Variants in MSI2 observed in about 807,000 individuals in gnomAD.
MSI2 encodes musashi RNA binding protein 2.
A neutral mutation model predicts 45.6 loss-of-function variants in MSI2; 17 were observed. The observed-to-expected ratio is 0.37, with a 90% CI of 0.26 to 0.56. The LOEUF (loss-of-function observed/expected upper bound fraction) is 0.56, where lower values mean the gene tolerates loss of function less well. MSI2 is among the 20% of genes least tolerant of loss of function. The probability of loss-of-function intolerance (pLI) is 0.77; values close to 1 mark genes in which losing one functional copy is unlikely to be tolerated. For synonymous variants in MSI2, 156 were observed against 158.2 expected, an observed-to-expected ratio of 0.99 and a Z score of 0.11; for missense variants, 293 against 444.2, an observed-to-expected ratio of 0.66 and a Z score of 3.06.
intron 8 of MSI2, chr17:57,602,058 GTTT>G (rs962601093): frequency 2.2e-4 from 34 of 152,284 alleles, no homozygotes; most frequent in African/African-American, 8.2e-4. Context: ...ATCAAGAAGA[GTTT>G]TTATTTGCTT....
rs111885136 is a variant in MSI2, at chr17:57,495,696, C to T, written c.406-33980C>T. Among the ~76,000 whole-genome samples, 388 of 152,196 alleles carry T rather than the reference C, an allele frequency of 2.5e-3. 2 individuals carry two copies. Among genetic ancestry groups the T allele is most frequent in the African/African-American group, 8.6e-3 (357 of 41,524 alleles). ...TTTGTGGCATTGATTCCTGGTGGTC[C>T]CATCCTAGCCCCCAAACCTTCTCTG... is the stretch of plus-strand genomic sequence containing the variant. On this transcript the variant is annotated intron_variant, in intron 6 of 13. Coordinates refer to ENST00000284073, the MANE Select transcript of MSI2 (RefSeq NM_138962.4).
At chr17:57,566,821 G>T (rs149116556) in intron 7 of MSI2, among the ~76,000 whole-genome samples, 3 of 152,278 alleles carry the variant, frequency 2.0e-5, no homozygotes, top group East Asian at 3.9e-4. Context: ...GTTCAGAGGC[G>T]CACCAAGGGC....
intron 6 of MSI2, among the ~76,000 whole-genome samples, chr17:57,455,021 C>T (rs1369960800): frequency 6.6e-6 from 1 of 152,164 alleles, no homozygotes; most frequent in African/African-American, 2.4e-5. Flanking sequence ...TGTTCAGTAA[C>T]CTCTGAGAGC....
At chr17:57,565,328 G>A (rs1021595235) in intron 7 of MSI2, among the ~76,000 whole-genome samples, 2 of 152,188 alleles carry the variant, frequency 1.3e-5, no homozygotes, top group Admixed American at 1.3e-4. Context: ...CCAGCCTCAC[G>A]CTGTACCATT....
intron 5 of MSI2, among the ~76,000 whole-genome samples, chr17:57,351,815 A>G (rs1238213849): frequency 1.3e-5 from 2 of 152,260 alleles, no homozygotes; most frequent in Non-Finnish European, 2.9e-5. Context: ...AGATCGTGCC[A>G]CTGCACTCCA....
chr17:57,502,636 T>TATATATATATCATAG lies in MSI2; in HGVS notation c.406-27039_406-27038insTATATATATCATAGA. ...ATATATATATATATATATATATATA[T>TATATATATATCATAG]AGTCATCATTCTGTCATGCAGGAAG... On this transcript the variant is annotated intron_variant, in intron 6 of 13. Transcript: ENST00000284073. 3.4e-3 allele frequency among the ~76,000 whole-genome samples: 327 copies of TATATATATATCATAG among 96,906 alleles called. 7 individuals carry two copies. Among genetic ancestry groups the TATATATATATCATAG allele is most frequent in the African/African-American group, 0.011 (305 of 28,692 alleles). The allele number at this position is 96,906 out of a possible 152,430, so 63.6% of individuals were successfully genotyped here.
At chr17:57,476,829 G>A (rs1176858460) in intron 6 of MSI2, among the ~76,000 whole-genome samples, 10 of 152,176 alleles carry the variant, frequency 6.6e-5, no homozygotes, top group Admixed American at 6.5e-4. Flanking sequence ...GATCACATGG[G>A]AATGTCATGG....
At chr17:57,467,508 G>A (rs2085350413) in intron 6 of MSI2, among the ~76,000 whole-genome samples, 1 of 152,196 alleles carries the variant, frequency 6.6e-6, no homozygotes, top group Non-Finnish European at 1.5e-5. Context: ...AGGATGGATG[G>A]GCAGATGGAT....
chr17:57,531,356 C>T (rs568366162), intron 7 of MSI2, among the ~76,000 whole-genome samples: 32 of 152,256 alleles, frequency 2.1e-4, no homozygotes, highest in African/African-American at 7.5e-4. Context: ...GTCAATTGTG[C>T]GTAAATGTTA....
At chr17:57,436,202 G>A (rs1311238450) in intron 6 of MSI2, among the ~76,000 whole-genome samples, 1 of 152,152 alleles carries the variant, frequency 6.6e-6, no homozygotes. Flanking sequence ...GTGGGCAAGC[G>A]ACTTGACCTC....
chr17:57,527,570 G>A (rs1004604018), intron 6 of MSI2, among the ~76,000 whole-genome samples: 2 of 152,256 alleles, frequency 1.3e-5, no homozygotes, highest in Non-Finnish European at 2.9e-5. Context: ...GTGCCTGGGA[G>A]AGAGGGGGCA....
intron 10 of MSI2, among the ~76,000 whole-genome samples, chr17:57,645,396 G>A (rs934838811): frequency 1.3e-5 from 2 of 152,034 alleles, no homozygotes; most frequent in African/African-American, 4.8e-5. Flanking sequence ...ACCTTGGGCT[G>A]TACACTGGGG....
At chr17:57,589,530 C>T (rs1174660182) in intron 7 of MSI2, among the ~76,000 whole-genome samples, 4 of 150,888 alleles carry the variant, frequency 2.7e-5, no homozygotes, top group Non-Finnish European at 4.4e-5. Flanking sequence ...GACCTAGAAA[C>T]GTTCCGCGTT....
intron 6 of MSI2, among the ~76,000 whole-genome samples, chr17:57,451,306 A>G (rs977157723): frequency 2.6e-4 from 40 of 152,274 alleles, no homozygotes; most frequent in African/African-American, 9.6e-4. Flanking sequence ...GTGCACATTT[A>G]AGGAGGATTT....
Position 57,682,974 on chromosome 17 carries a change from G to A in MSI2, c.*3457G>A, listed in dbSNP as rs546276832. 6 of 228,932 alleles carry A rather than the reference G, an allele frequency of 2.6e-5. No individual in the cohort carries two copies. The South Asian group carries it at 5.5e-4, about 21-fold the overall frequency. The allele number at this position is 228,932 out of a possible 1,614,324, so 14.2% of individuals were successfully genotyped here. ...CTAGCAGCTTCCACAGACTTGGCTC[G>A]TGGCCTTCCTTATATCCACTGGGAA... On this transcript the variant is annotated 3_prime_UTR_variant, in exon 14 of 14. Transcript: ENST00000284073.
chr17:57,683,180 C>G lies in MSI2; in HGVS notation c.*3663C>G, dbSNP rs924879121. ...CTCTATTGCTGTCAATTTACTGTTT[C>G]ACTGCACAGCAATCACAGCCAGTGA... On this transcript the variant is annotated 3_prime_UTR_variant, in exon 14 of 14. Coordinates refer to ENST00000284073, the MANE Select transcript of MSI2 (RefSeq NM_138962.4). The surrounding 1 kb of genome is among the most constrained non-coding windows in gnomAD (Gnocchi z 5.2). 3 of 229,240 alleles carry G rather than the reference C, an allele frequency of 1.3e-5. No individual in the cohort carries two copies. Among genetic ancestry groups the G allele is most frequent in the African/African-American group, 2.2e-5 (1 of 45,110 alleles). 14.2% of individuals were successfully genotyped at this position (229,240 alleles called of 1,614,324 possible).
At chr17:57,304,234 G>A (rs1311904106) in intron 5 of MSI2, among the ~76,000 whole-genome samples, 1 of 151,308 alleles carries the variant, frequency 6.6e-6, no homozygotes, top group Non-Finnish European at 1.5e-5. Flanking sequence ...GCGTGCGCCT[G>A]TAGTCCCAGT....
chr17:57,451,126 G>C (rs1263377755), intron 6 of MSI2, among the ~76,000 whole-genome samples: 1 of 152,154 alleles, frequency 6.6e-6, no homozygotes, highest in African/African-American at 2.4e-5. Flanking sequence ...AAGTGTTGGG[G>C]GTTGAGTACC....
At chr17:57,690,569 A>C in the MSI2 span, among the ~76,000 whole-genome samples, 1 of 152,176 alleles carries the variant, frequency 6.6e-6, no homozygotes, top group Non-Finnish European at 1.5e-5. Flanking sequence ...CCGTATGTCA[A>C]GATTGTACGA....
Sources: allele counts gnomAD v4.1 joint callset (sites outside exome capture counted in the v4.1 genomes callset), GRCh38; gene constraint gnomAD v4.1.1; non-coding constraint Gnocchi (gnomAD v3.1); transcripts MANE v1.5; gene names NCBI Gene and HGNC (gene_info 2026-07-23, HGNC 2026-07-21).